WRN: variants seen among roughly 807,000 people sequenced by gnomAD.
WRN encodes the protein WRN RecQ like helicase.
In WRN, 149 loss-of-function variants were observed where a neutral mutation model predicts 180.7. The observed-to-expected ratio is 0.82, with a 90% CI of 0.72 to 0.94. The LOEUF (loss-of-function observed/expected upper bound fraction) is 0.94, where lower values mean the gene tolerates loss of function less well. Ranked by LOEUF, WRN falls within the 40% of genes least tolerant of loss-of-function variation. WRN has a pLI of 0.00. For synonymous variants in WRN, 548 were observed against 568.9 expected (o/e 0.96, Z 0.52); for missense variants, 1,661 against 1,700.1 (o/e 0.98, Z 0.40).
At chr8:31,160,598 AT>A (rs1429166876) in intron 33 of WRN, among the ~76,000 whole-genome samples, 6 of 152,298 alleles carry the variant, frequency 3.9e-5, no homozygotes, top group South Asian at 2.1e-4. Context: ...ATCGTGTGGA[AT>A]TTTTCTTCCT....
chr8:31,065,529 C>G (rs757237666), intron 5 of WRN, among the ~76,000 whole-genome samples: 1 of 152,180 alleles, frequency 6.6e-6, no homozygotes, highest in African/African-American at 2.4e-5. Flanking sequence ...GGATAATGGC[C>G]TCCAGTGCCA....
intron 9 of WRN, among the ~76,000 whole-genome samples, chr8:31,082,681 C>A (rs762517325): frequency 4.0e-4 from 61 of 151,990 alleles, no homozygotes; most frequent in Non-Finnish European, 1.5e-4. Context: ...ACTACAACCT[C>A]TGCCTCCCCG....
chr8:31,078,621 A>G (rs1371221964), intron 8 of WRN, among the ~76,000 whole-genome samples: 1 of 152,212 alleles, frequency 6.6e-6, no homozygotes, highest in Non-Finnish European at 1.5e-5. Flanking sequence ...TTGTTACAGA[A>G]GGGAGCAGCT....
chr8:31,041,898 A>G (rs185164328), intron 1 of WRN, among the ~76,000 whole-genome samples: 1 of 152,286 alleles, frequency 6.6e-6, no homozygotes, highest in Admixed American at 6.5e-5. Context: ...GTTCTTTTTT[A>G]TTCGGGGTTA....
intron 18 of WRN, 124 bp from the exon 19 acceptor site, chr8:31,111,491 C>A: frequency 8.6e-7 from 1 of 1,159,184 alleles, no homozygotes; most frequent in Non-Finnish European, 1.2e-6. Flanking sequence ...AAAAATTTTA[C>A]AGTTGTGTCT....
At chr8:31,149,139 G>GT (rs1802988377) in intron 30 of WRN, among the ~76,000 whole-genome samples, 1 of 152,100 alleles carries the variant, frequency 6.6e-6, no homozygotes, top group Non-Finnish European at 1.5e-5. Context: ...GCTCACGCTT[G>GT]TAAATCCCAG....
chr8:31,163,789 AT>A (rs1229829822), intron 33 of WRN, among the ~76,000 whole-genome samples: 3 of 151,680 alleles, frequency 2.0e-5, no homozygotes, highest in Admixed American at 6.6e-5. Context: ...GAAAAAGTAT[AT>A]TTTTGTAGCC....
chr8:31,075,733 A>AAT (rs143170748), intron 7 of WRN, among the ~76,000 whole-genome samples: 1 of 151,504 alleles, frequency 6.6e-6, no homozygotes, highest in African/African-American at 2.4e-5. Flanking sequence ...AAAAAAAAAA[A>AAT]GGAAGGGCTT....
At chr8:31,135,651 T>C (rs913956188) in intron 24 of WRN, among the ~76,000 whole-genome samples, 3 of 152,142 alleles carry the variant, frequency 2.0e-5, no homozygotes, top group Admixed American at 6.5e-5. Flanking sequence ...TTGTGGAATA[T>C]ATAGTAGATT....
At position 31,087,819 on chromosome 8, in the gene WRN, C is replaced by G; in HGVS notation, c.1475C>G (p.Ser492Cys). The G allele has an allele frequency of 6.2e-7, 1 of 1,613,560 alleles. No homozygotes were observed. The highest frequency in any genetic ancestry group is 8.5e-7 in the Non-Finnish European group (1 of 1,179,788). ...LNSGTVEPTHSKCLKMERNLG... is the reference protein window; with the variant it reads ...LNSGTVEPTHCKCLKMERNLG... Reference sequence around the variant, plus strand: ...AGTGGCACGGTAGAACCAACTCATTCTAAATGCTTAAAAATGGAAAGAAAT... The same window carrying G: ...AGTGGCACGGTAGAACCAACTCATTGTAAATGCTTAAAAATGGAAAGAAAT... The change falls in exon 12 of 35, where the codon TCT (serine) becomes TGT (cysteine). Residue 492 changes from serine (S) to cysteine (C), a missense_variant. Transcript: ENST00000298139.
At chr8:31,042,956 T>C (rs1186663338) in intron 1 of WRN, among the ~76,000 whole-genome samples, 1 of 152,226 alleles carries the variant, frequency 6.6e-6, no homozygotes, top group Non-Finnish European at 1.5e-5. Context: ...GAAGTGGTCT[T>C]ACATTTTAAT....
intron 23 of WRN, among the ~76,000 whole-genome samples, chr8:31,131,283 G>A (rs954765618): frequency 6.6e-6 from 1 of 151,620 alleles, no homozygotes; most frequent in Admixed American, 6.6e-5. Context: ...AGCCTTCTGA[G>A]TAGCTGGGAT....
intron 31 of WRN, among the ~76,000 whole-genome samples, chr8:31,154,224 A>G (rs1803274056): frequency 6.6e-6 from 1 of 152,006 alleles, no homozygotes; most frequent in Non-Finnish European, 1.5e-5. Flanking sequence ...CTTACGATAT[A>G]TTAGTGGTTA....
chr8:31,117,247 C>T (rs1426347922), intron 20 of WRN, among the ~76,000 whole-genome samples: 7 of 152,300 alleles, frequency 4.6e-5, no homozygotes, highest in Middle Eastern at 3.4e-3. Flanking sequence ...ACAAGAGTCT[C>T]GTCTCTAGAC....
intron 18 of WRN, among the ~76,000 whole-genome samples, chr8:31,110,362 A>G (rs1801263664): frequency 6.6e-6 from 1 of 152,216 alleles, no homozygotes; most frequent in Non-Finnish European, 1.5e-5. Flanking sequence ...GCCTTTTAAA[A>G]TAGTGTCACA....
rs1236248452 is a variant in WRN at position 31,147,494 on chromosome 8, T to A, written c.3572+18T>A. 6.8e-7 allele frequency: 1 copy of A among 1,460,312 alleles called. No individual in the cohort carries two copies. The highest frequency in any genetic ancestry group is 2.2e-5 in the Admixed American group (1 of 44,876). 90.5% of individuals were successfully genotyped at this position (1,460,312 alleles called of 1,614,324 possible). On this transcript the variant is annotated intron_variant, in intron 30 of 34. Transcript: ENST00000298139. Reference sequence around the variant, plus strand: ...AAAATGAGGTAAACTATCTTTTGCATGTGTTCTATTTATTTCCTTCTAACA... The same window carrying A: ...AAAATGAGGTAAACTATCTTTTGCAAGTGTTCTATTTATTTCCTTCTAACA...
At chr8:31,058,807 A>G (rs1235353902) in intron 2 of WRN, among the ~76,000 whole-genome samples, 1 of 152,234 alleles carries the variant, frequency 6.6e-6, no homozygotes, top group African/African-American at 2.4e-5. Flanking sequence ...AGACAACATT[A>G]ACTTTGTTGA....
At chr8:31,141,857 C>G (rs991056967) in intron 26 of WRN, 82 bp downstream of exon 26, 1 of 1,314,856 alleles carries the variant, frequency 7.6e-7, no homozygotes, top group East Asian at 2.4e-5. Flanking sequence ...GTTTATAGGC[C>G]TCTCACAAGT....
chr8:31,136,339 A>G (rs1195450294), intron 24 of WRN, among the ~76,000 whole-genome samples: 1 of 152,234 alleles, frequency 6.6e-6, no homozygotes, highest in Non-Finnish European at 1.5e-5. Context: ...ATACCTGCTT[A>G]GAGCTAACAC....
Sources: allele counts gnomAD v4.1 joint callset (sites outside exome capture counted in the v4.1 genomes callset), GRCh38; gene constraint gnomAD v4.1.1; transcripts MANE v1.5; gene names NCBI Gene and HGNC (gene_info 2026-07-23, HGNC 2026-07-21).